ZFPM1: variants seen among roughly 807,000 people sequenced by gnomAD.
The protein encoded by ZFPM1 is zinc finger protein ZFPM1.
Under a neutral mutation model 46.3 loss-of-function variants are expected in ZFPM1, and 28 were observed. The observed-to-expected ratio is 0.60, with a 90% confidence interval of 0.45 to 0.83. The LOEUF is 0.83. ZFPM1 is among the 40% of genes least tolerant of loss of function. ZFPM1 has a pLI of 0.00. For synonymous variants in ZFPM1, 957 were observed against 675.9 expected (o/e 1.42, Z -6.45); for missense variants, 1,878 against 1,432.4 (o/e 1.31, Z -5.02).
At chr16:88,533,059 AC>A (rs982429048) in intron 9 of ZFPM1, 88 bp from the exon 10 acceptor site, 1 of 589,916 alleles carries the variant, frequency 1.7e-6, no homozygotes, top group African/African-American at 2.9e-5. Flanking sequence ...ACTCCCGCCC[AC>A]CCCTCCCCTT....
intron 3 of ZFPM1, among the ~76,000 whole-genome samples, chr16:88,503,846 C>G (rs1910510651): frequency 6.6e-6 from 1 of 152,168 alleles, no homozygotes; most frequent in African/African-American, 2.4e-5. Flanking sequence ...GCCTCAGTCT[C>G]CCCCTGGTTA....
Position 88,489,134 on chromosome 16 carries a change from C to T in ZFPM1, c.249C>T (p.Gly83=). Reference sequence around the variant, plus strand: ...CCAGGCCCACGGAGGAAGAGCCGGGCAGTCCCTGGAGCGGGCCAGGTAACC... The same window carrying T: ...CCAGGCCCACGGAGGAAGAGCCGGGTAGTCCCTGGAGCGGGCCAGGTAACC... ...PEPRPTEEEP[G]SPWSGPDELE... Residue 83 remains glycine, a synonymous_variant, in exon 3 of 10, where the codon GGC becomes GGT. Transcript: ENST00000319555. The T allele has an allele frequency of 6.2e-7, 1 of 1,607,842 alleles. No homozygotes were observed. Among genetic ancestry groups the T allele is most frequent in the African/African-American group, 1.3e-5 (1 of 74,810 alleles).
Position 88,505,988 on chromosome 16 carries a change from G to A in ZFPM1, c.269-8399G>A, listed in dbSNP as rs371444469. Among the ~76,000 whole-genome samples the A allele has an allele frequency of 1.6e-4, 24 of 152,346 alleles. No individual in the cohort carries two copies. In the East Asian group the frequency reaches 4.6e-3, roughly 29 times the overall value. On this transcript the variant is annotated intron_variant, in intron 3 of 9. Transcript: ENST00000319555. ...AGGGTCTGAGGGTCTCAGGAAGGCA[G>A]GTTCTGTGGTTCGAAGCCCTTTGTT... is the stretch of plus-strand genomic sequence containing the variant.
intron 1 of ZFPM1, among the ~76,000 whole-genome samples, chr16:88,461,054 CCTGGTGAGGACCCAGGGGCAGAAGGT>C (rs1567525610): frequency 5.7e-5 from 4 of 69,996 alleles, no homozygotes; most frequent in African/African-American, 3.2e-4. Context: ...GGCGGGAGGC[CCTGGTGAGGACCCAGGGGCAGAAGGT>C]CTGGTGAGGA....
intron 4 of ZFPM1, among the ~76,000 whole-genome samples, chr16:88,526,225 G>A (rs1034603933): frequency 1.3e-5 from 2 of 152,202 alleles, no homozygotes; most frequent in African/African-American, 2.4e-5. Context: ...GCCCTGCCAC[G>A]CCCTGTGGCA....
intron 3 of ZFPM1, among the ~76,000 whole-genome samples, chr16:88,502,431 C>A (rs1275024715): frequency 6.6e-6 from 1 of 152,158 alleles, no homozygotes; most frequent in East Asian, 1.9e-4. Flanking sequence ...GCTTGCCCCT[C>A]CATGTCCCCC....
chr16:88,480,942 A>G lies in ZFPM1; in HGVS notation c.41-4997A>G, dbSNP rs1908908959. ...CTTAATCGTCGGTGTGGGGACTTGGAAGGGAGCTGGGATCATCCCGCTGCA... is the reference window on the plus strand; with the variant it reads ...CTTAATCGTCGGTGTGGGGACTTGGGAGGGAGCTGGGATCATCCCGCTGCA... On this transcript the variant is annotated intron_variant, in intron 1 of 9. Coordinates refer to ENST00000319555, the MANE Select transcript of ZFPM1 (RefSeq NM_153813.3). The surrounding 1 kb of genome is among the most constrained non-coding windows in gnomAD (Gnocchi z 4.9). Among the ~76,000 whole-genome samples, 1 of 152,224 alleles carries G rather than the reference A, an allele frequency of 6.6e-6. No homozygotes were observed. Among genetic ancestry groups the G allele is most frequent in the Admixed American group, 6.5e-5 (1 of 15,280 alleles).
intron 1 of ZFPM1, among the ~76,000 whole-genome samples, chr16:88,467,250 C>T (rs1908176536): frequency 6.6e-6 from 1 of 152,146 alleles, no homozygotes; most frequent in Non-Finnish European, 1.5e-5. Context: ...AGACCAGGAG[C>T]CGCAGCAAAC....
rs193060121 is a variant in ZFPM1, at chr16:88,459,320, C to T, written c.40+5642C>T. Among the ~76,000 whole-genome samples, 17 of 152,306 alleles carry T rather than the reference C, an allele frequency of 1.1e-4. No individual in the cohort carries two copies. The East Asian group carries it at 3.3e-3, about 29-fold the overall frequency. On this transcript the variant is annotated intron_variant, in intron 1 of 9. Coordinates refer to ENST00000319555, the MANE Select transcript of ZFPM1 (RefSeq NM_153813.3). ...GATAAATGACCAGAGGGACGCTCAG[C>T]TCAAAATAGACATGGTCTGCTCACA...
intron 4 of ZFPM1, among the ~76,000 whole-genome samples, 188 bp downstream of exon 4, chr16:88,514,708 G>A (rs1043502173): frequency 1.3e-5 from 2 of 152,184 alleles, no homozygotes; most frequent in African/African-American, 4.8e-5. Flanking sequence ...CTTCCTGTAG[G>A]AGGTGATATG....
rs1282844607 is a variant in ZFPM1, at chr16:88,534,136, G to T, written c.2178G>T (p.Pro726=). The stretch of plus-strand genomic sequence containing the variant: ...CCGCGCCCCCGGGACCCCCTGGGCC[G>T]GCCGCGCCCCCGGCCCCCTCTCCCG... ...RPAAPPGPPG[P]AAPPAPSPAA... The change falls in exon 10 of 10, where the codon CCG becomes CCT. Residue 726 remains proline (P), a synonymous_variant. Transcript: ENST00000319555. The T allele has an allele frequency of 1.0e-6, 1 of 1,004,410 alleles. No individual in the cohort carries two copies. Among genetic ancestry groups the T allele is most frequent in the Non-Finnish European group, 1.2e-6 (1 of 846,032 alleles). 62.2% of individuals were successfully genotyped at this position (1,004,410 alleles called of 1,614,324 possible). A position where few individuals can be genotyped will look rare whatever the true frequency, so the allele number is the denominator to read the frequency against.
chr16:88,503,876 G>A (rs997757306), intron 3 of ZFPM1, among the ~76,000 whole-genome samples: 8 of 152,080 alleles, frequency 5.3e-5, no homozygotes, highest in African/African-American at 1.9e-4. Context: ...CTGTGGAGGT[G>A]ACGAGCCTGA....
rs561184768 is a variant in ZFPM1 at position 88,456,921 on chromosome 16, C to T, written c.40+3243C>T. On this transcript the variant is annotated intron_variant, in intron 1 of 9. Transcript: ENST00000319555. ...CCTAGGCCATCTGGGTAGGGCCTTC[C>T]GGAAGGAGCCGGGGAGGGAGGGTCC... Among the ~76,000 whole-genome samples, 38 of 152,296 alleles carry T rather than the reference C, an allele frequency of 2.5e-4. No individual in the cohort carries two copies. In the South Asian group the frequency reaches 7.5e-3, roughly 30 times the overall value.
chr16:88,532,937 T>G lies in ZFPM1; in HGVS notation c.1189+2T>G, dbSNP rs748351573. On this transcript the variant is annotated splice_donor_variant, in intron 9 of 9. Transcript: ENST00000319555. LOFTEE classifies it high-confidence loss of function. ...ACCCAGCAACCAAGCTGCCCCCAGG[T>G]GAGCAGCCCTGTGGGGGCCACCCCT... 11 of 1,612,626 alleles carry G rather than the reference T, an allele frequency of 6.8e-6. No homozygotes were observed. Among genetic ancestry groups the G allele is most frequent in the African/African-American group, 2.7e-5 (2 of 74,892 alleles).
chr16:88,503,524 GCTC>G (rs72256750), intron 3 of ZFPM1, among the ~76,000 whole-genome samples: 11,646 of 150,144 alleles, frequency 0.078, 664 homozygotes, highest in African/African-American at 0.15. Flanking sequence ...TGCCTCCAGG[GCTC>G]CTCCTGCTTC....
At chr16:88,490,147 A>G (rs1195115773) in intron 3 of ZFPM1, among the ~76,000 whole-genome samples, 3 of 150,376 alleles carry the variant, frequency 2.0e-5, no homozygotes, top group African/African-American at 4.9e-5. Flanking sequence ...TCCGCCTCCC[A>G]GGTTCACGCC....
chr16:88,470,556 G>C (rs1908371248), intron 1 of ZFPM1, among the ~76,000 whole-genome samples: 1 of 136,586 alleles, frequency 7.3e-6, no homozygotes, highest in Non-Finnish European at 1.6e-5. Context: ...TGGTGACGCT[G>C]AGTGACAGGT....
rs561167541 is a variant in ZFPM1 at position 88,490,123 on chromosome 16, G to A, written c.268+970G>A. Among the ~76,000 whole-genome samples the A allele has an allele frequency of 4.0e-5, 6 of 151,640 alleles. No homozygotes were observed. The East Asian group carries it at 7.7e-4, about 20-fold the overall frequency. On this transcript the variant is annotated intron_variant, in intron 3 of 9. Coordinates refer to ENST00000319555, the MANE Select transcript of ZFPM1 (RefSeq NM_153813.3). ...GGCTGGAGTGCAATGGCGCGATCTC[G>A]GCTCACTGCAAGCTCCGCCTCCCAG...
At chr16:88,488,335 G>A (rs890162628) in intron 2 of ZFPM1, among the ~76,000 whole-genome samples, 3 of 152,212 alleles carry the variant, frequency 2.0e-5, no homozygotes, top group Admixed American at 2.0e-4. Flanking sequence ...AAACAGCCAG[G>A]GCTGCACCTG....
Sources: allele counts gnomAD v4.1 joint callset (sites outside exome capture counted in the v4.1 genomes callset), GRCh38; gene constraint gnomAD v4.1.1; non-coding constraint Gnocchi (gnomAD v3.1); transcripts MANE v1.5; gene names NCBI Gene and HGNC (gene_info 2026-07-23, HGNC 2026-07-21).